DIO2: variants seen among roughly 807,000 people sequenced by gnomAD.
DIO2 encodes the protein iodothyronine deiodinase 2, also known as type II iodothyronine deiodinase.
DIO2 carries 19 observed loss-of-function variants against 21.4 expected under a neutral mutation model. That is an observed-to-expected ratio of 0.89 (90% CI 0.62 to 1.30). DIO2 has a LOEUF of 1.30. DIO2 is among the 50% of genes most tolerant of loss of function. DIO2 has a pLI of 0.00. For synonymous variants in DIO2, 122 were observed against 132.9 expected, an observed-to-expected ratio of 0.92 and a Z score of 0.57; for missense variants, 302 against 338.1, an observed-to-expected ratio of 0.89 and a Z score of 0.84.
At chr14:80,224,634 T>C (rs761101461) in intron 2 of DIO2, among the ~76,000 whole-genome samples, 16 of 152,264 alleles carry the variant, frequency 1.1e-4, no homozygotes, top group Middle Eastern at 6.8e-3. Context: ...TGTGATTGAA[T>C]ACATTTTCAT....
chr14:80,202,604 G>T lies in DIO2; in HGVS notation c.*85C>A. 1 of 1,359,258 alleles carries T rather than the reference G, an allele frequency of 7.4e-7. No homozygotes were observed. The highest frequency in any genetic ancestry group is 9.9e-7 in the Non-Finnish European group (1 of 1,012,712). 84.2% of individuals were successfully genotyped at this position (1,359,258 alleles called of 1,614,324 possible). A position where few individuals can be genotyped will look rare whatever the true frequency, so the allele number is the denominator to read the frequency against. On this transcript the variant is annotated 3_prime_UTR_variant, in exon 2 of 2. Coordinates refer to ENST00000438257, the MANE Select transcript of DIO2 (RefSeq NM_013989.5). ...TCCTGTCTTTCAGTAAGCCAATAGG[G>T]CTCTGTTGAAATATGGATTCAGTTC...
chr14:80,229,614 T>A (rs919103834), intron 2 of DIO2, among the ~76,000 whole-genome samples: 4 of 152,198 alleles, frequency 2.6e-5, no homozygotes, highest in Admixed American at 1.3e-4. Flanking sequence ...GATCCCTTCC[T>A]CTACATTAAG....
At chr14:80,214,864 G>A (rs933943114), upstream of DIO2, among the ~76,000 whole-genome samples, 8 of 152,248 alleles carry the variant, frequency 5.3e-5, no homozygotes, top group Non-Finnish European at 8.8e-5. Context: ...GAGTCCAAGC[G>A]GGTGTTGGGA....
chr14:80,226,088 C>A (rs531012351), intron 2 of DIO2, among the ~76,000 whole-genome samples: 1 of 152,114 alleles, frequency 6.6e-6, no homozygotes, highest in Non-Finnish European at 1.5e-5. Flanking sequence ...CCACTTCCAC[C>A]GCTTGATTCC....
intron 1 of DIO2, among the ~76,000 whole-genome samples, chr14:80,210,771 A>G (rs141820253): frequency 5.8e-4 from 89 of 152,226 alleles, no homozygotes; most frequent in African/African-American, 2.0e-3. Flanking sequence ...CCACTTTCTT[A>G]TCTTGTCAAC....
intron 1 of DIO2, among the ~76,000 whole-genome samples, chr14:80,207,494 G>C (rs577014722): frequency 1.0e-3 from 159 of 152,212 alleles, no homozygotes; most frequent in Non-Finnish European, 1.4e-3. Flanking sequence ...AGAAACTAAA[G>C]CAAATTATAA....
chr14:80,208,371 G>C (rs919396438), intron 1 of DIO2, among the ~76,000 whole-genome samples: 1 of 151,498 alleles, frequency 6.6e-6, no homozygotes, highest in African/African-American at 2.4e-5. Context: ...TTTAAGAAAG[G>C]GTTTATTTAA....
At chr14:80,224,025 C>A (rs1204497245) in intron 2 of DIO2, among the ~76,000 whole-genome samples, 1 of 152,198 alleles carries the variant, frequency 6.6e-6, no homozygotes, top group Admixed American at 6.5e-5. Context: ...TCAACACAAA[C>A]TGCACCAACA....
At position 80,198,811 on chromosome 14, in the gene DIO2, C is replaced by A. The variant is rs1887595016; in HGVS notation, c.*3878G>T. On this transcript the variant is annotated 3_prime_UTR_variant, in exon 2 of 2. Coordinates refer to ENST00000438257, the MANE Select transcript of DIO2 (RefSeq NM_013989.5). ...AAAAAAACCTCCTAAAATTAAAAGC[C>A]TTACTTGCAGTCTCCACTGCTGAGA... The A allele has an allele frequency of 6.6e-6, 1 of 151,108 alleles. No homozygotes were observed. The highest frequency in any genetic ancestry group is 2.4e-5 in the African/African-American group (1 of 41,170). The allele number at this position is 151,108 out of a possible 1,614,324, so 9.4% of individuals were successfully genotyped here. A position where few individuals can be genotyped will look rare whatever the true frequency, so the allele number is the denominator to read the frequency against.
At chr14:80,209,219 C>G (rs1006275371) in intron 1 of DIO2, among the ~76,000 whole-genome samples, 1 of 152,112 alleles carries the variant, frequency 6.6e-6, no homozygotes, top group Non-Finnish European at 1.5e-5. Flanking sequence ...GAAACAACCT[C>G]ACTTAATATT....
rs982684692 is a variant in DIO2, at chr14:80,225,504, T to C, written c.-277-8767A>G. The stretch of plus-strand genomic sequence containing the variant: ...TGAAGATATTATCTTAGTACAAGTA[T>C]ATACACGCACAAACGTTTTTAACAA... On this transcript the variant is annotated intron_variant, in intron 2 of 4. Coordinates refer to the DIO2 transcript ENST00000553594. Among the ~76,000 whole-genome samples, 7 of 152,352 alleles carry C rather than the reference T, an allele frequency of 4.6e-5. No homozygotes were observed. The East Asian group carries it at 7.7e-4, about 17-fold the overall frequency.
rs1887753569 is a variant in DIO2, at chr14:80,202,151, T to C, written c.*538A>G. 1 of 357,706 alleles carries C rather than the reference T, an allele frequency of 2.8e-6. No homozygotes were observed. The highest frequency in any genetic ancestry group is 2.1e-5 in the African/African-American group (1 of 46,644). 22.2% of individuals were successfully genotyped at this position (357,706 alleles called of 1,614,324 possible). A position where few individuals can be genotyped will look rare whatever the true frequency, so the allele number is the denominator to read the frequency against. On this transcript the variant is annotated 3_prime_UTR_variant, in exon 2 of 2. Coordinates refer to ENST00000438257, the MANE Select transcript of DIO2 (RefSeq NM_013989.5). ...ATGAAGACTGAGAGCACTACATGGCTAGAAGCTGGAACATCAGAAATGACT... is the reference window on the plus strand; with the variant it reads ...ATGAAGACTGAGAGCACTACATGGCCAGAAGCTGGAACATCAGAAATGACT...
intron 2 of DIO2, among the ~76,000 whole-genome samples, chr14:80,226,204 T>C (rs1888572404): frequency 6.6e-6 from 1 of 152,172 alleles, no homozygotes; most frequent in Non-Finnish European, 1.5e-5. Flanking sequence ...TGCAAAGTAT[T>C]GTCACCTAGT....
upstream of DIO2, among the ~76,000 whole-genome samples, chr14:80,214,400 G>A (rs1386093650): frequency 6.6e-6 from 1 of 152,220 alleles, no homozygotes; most frequent in African/African-American, 2.4e-5. Context: ...TAAATGTGAA[G>A]TTCAAAGCAT....
intron 1 of DIO2, among the ~76,000 whole-genome samples, chr14:80,209,365 C>G (rs1280219400): frequency 6.8e-6 from 1 of 147,418 alleles, no homozygotes; most frequent in Non-Finnish European, 1.5e-5. Context: ...TTTTTTTTTA[C>G]TTTATAGGCA....
intron 1 of DIO2, among the ~76,000 whole-genome samples, chr14:80,208,478 T>C (rs1351676111): frequency 6.6e-6 from 1 of 152,230 alleles, no homozygotes; most frequent in African/African-American, 2.4e-5. Context: ...CCACTTTCTC[T>C]ACATATCTTT....
intron 1 of DIO2, among the ~76,000 whole-genome samples, chr14:80,203,626 T>G (rs1887834528): frequency 6.6e-6 from 1 of 152,254 alleles, no homozygotes. Context: ...ATTCTTAACA[T>G]GCATTCTATA....
intron 1 of DIO2, chr14:80,206,091 G>A (rs1887943838): frequency 2.2e-5 from 14 of 640,274 alleles, no homozygotes; most frequent in Non-Finnish European, 2.7e-5. Flanking sequence ...TTTTTATTTT[G>A]TTGAGGAGCC....
At chr14:80,205,510 T>G in intron 1 of DIO2, 1 of 941,508 alleles carries the variant, frequency 1.1e-6, no homozygotes, top group Non-Finnish European at 1.4e-6. Context: ...CCCTGATTCA[T>G]CCGAGCAGAC....
Sources: allele counts gnomAD v4.1 joint callset (sites outside exome capture counted in the v4.1 genomes callset), GRCh38; gene constraint gnomAD v4.1.1; transcripts MANE v1.5; gene names NCBI Gene and HGNC (gene_info 2026-07-23, HGNC 2026-07-21).